SCHIP1: variants seen among roughly 807,000 people sequenced by gnomAD.
SCHIP1 encodes schwannomin-interacting protein 1.
SCHIP1 carries 8 observed loss-of-function variants against 29.7 expected under a neutral mutation model. The observed-to-expected ratio is 0.27, with a 90% CI of 0.16 to 0.49. SCHIP1 has a LOEUF of 0.49. SCHIP1 is among the 20% of genes least tolerant of loss of function. The probability of loss-of-function intolerance (pLI) is 0.99; values close to 1 mark genes in which losing one functional copy is unlikely to be tolerated. For synonymous variants in SCHIP1, 76 were observed against 94.9 expected, an observed-to-expected ratio of 0.80 and a Z score of 1.16; for missense variants, 193 against 294.6, an observed-to-expected ratio of 0.66 and a Z score of 2.52.
chr3:159,395,447 T>G, the SCHIP1 span, among the ~76,000 whole-genome samples: 243 of 152,026 alleles, frequency 1.6e-3, 3 homozygotes, highest in South Asian at 0.025. Context: ...GCTTTCTCTT[T>G]TGGGCATTTA....
chr3:159,444,636 A>T, the SCHIP1 span, among the ~76,000 whole-genome samples: 4 of 152,216 alleles, frequency 2.6e-5, no homozygotes, highest in Non-Finnish European at 5.9e-5. Context: ...AACAGAGTTA[A>T]GATTCATTTA....
At chr3:159,324,123 C>T in the SCHIP1 span, among the ~76,000 whole-genome samples, 2 of 152,130 alleles carry the variant, frequency 1.3e-5, no homozygotes, top group South Asian at 2.1e-4. Flanking sequence ...CGGGTTACTG[C>T]AGCCTGTGAG....
chr3:159,886,387 T>C lies in SCHIP1; in HGVS notation c.267+63T>C, dbSNP rs146717037. On this transcript the variant is annotated intron_variant, in intron 3 of 6. Coordinates refer to ENST00000445224, the Ensembl canonical transcript of SCHIP1. Reference sequence around the variant, plus strand: ...GATTTCCGGGCCATTTAGCTTCTTTTCTGTTGTAAGGTGAATCAGGAACAA... The same window carrying C: ...GATTTCCGGGCCATTTAGCTTCTTTCCTGTTGTAAGGTGAATCAGGAACAA... The C allele has an allele frequency of 9.4e-6, 14 of 1,481,484 alleles. No homozygotes were observed. In the East Asian group the frequency reaches 3.0e-4, roughly 31 times the overall value. 91.8% of individuals were successfully genotyped at this position (1,481,484 alleles called of 1,614,324 possible). A position where few individuals can be genotyped will look rare whatever the true frequency, so the allele number is the denominator to read the frequency against.
At chr3:159,580,367 A>G in the SCHIP1 span, among the ~76,000 whole-genome samples, 2 of 152,082 alleles carry the variant, frequency 1.3e-5, no homozygotes, top group African/African-American at 4.8e-5. Context: ...AGGGCCTCAC[A>G]CTTTGGTTAC....
chr3:159,628,415 A>T, the SCHIP1 span, among the ~76,000 whole-genome samples: 2 of 152,188 alleles, frequency 1.3e-5, no homozygotes, highest in Admixed American at 6.5e-5. Flanking sequence ...GCATGCCAAG[A>T]ACTAGGACCA....
upstream of SCHIP1, among the ~76,000 whole-genome samples, chr3:159,839,062 C>T (rs934503123): frequency 6.6e-6 from 1 of 151,726 alleles, no homozygotes; most frequent in Admixed American, 6.6e-5. Context: ...TTTTGTGTAT[C>T]CTCAAGTCCT....
the SCHIP1 span, among the ~76,000 whole-genome samples, chr3:159,288,940 C>G: frequency 6.6e-6 from 1 of 152,106 alleles, no homozygotes; most frequent in African/African-American, 2.4e-5. Context: ...CTCAGTCTTC[C>G]CTATGTAAGT....
At chr3:159,343,008 G>A in the SCHIP1 span, among the ~76,000 whole-genome samples, 1 of 152,198 alleles carries the variant, frequency 6.6e-6, no homozygotes, top group African/African-American at 2.4e-5. Flanking sequence ...AACTATAAAT[G>A]TCTTGTTTTT....
At chr3:159,814,257 A>T in the SCHIP1 span, among the ~76,000 whole-genome samples, 1 of 152,210 alleles carries the variant, frequency 6.6e-6, no homozygotes, top group Admixed American at 6.5e-5. Context: ...GTTGCAGAGC[A>T]TCCTCCTGGA....
the SCHIP1 span, among the ~76,000 whole-genome samples, chr3:159,409,940 G>A: frequency 2.6e-5 from 4 of 152,070 alleles, no homozygotes; most frequent in African/African-American, 9.7e-5. Context: ...CAGACCAATG[G>A]AACAGAATAG....
chr3:159,695,810 A>G, the SCHIP1 span, among the ~76,000 whole-genome samples: 2 of 152,140 alleles, frequency 1.3e-5, no homozygotes, highest in Admixed American at 1.3e-4. Context: ...TGAAGAGACC[A>G]CTATCCATAT....
At chr3:159,536,575 A>G in the SCHIP1 span, among the ~76,000 whole-genome samples, 3 of 152,188 alleles carry the variant, frequency 2.0e-5, no homozygotes, top group Admixed American at 2.0e-4. Flanking sequence ...CTGACTATCT[A>G]CCAACATCCT....
chr3:159,739,292 G>A, the SCHIP1 span, among the ~76,000 whole-genome samples: 1 of 152,202 alleles, frequency 6.6e-6, no homozygotes, highest in Non-Finnish European at 1.5e-5. Flanking sequence ...TTGGAGAGTT[G>A]CAAGCTTTAA....
At chr3:159,713,224 GAAAGAAAGGA>G in the SCHIP1 span, among the ~76,000 whole-genome samples, 20 of 121,514 alleles carry the variant, frequency 1.6e-4, no homozygotes, top group African/African-American at 4.7e-4. Flanking sequence ...GAGAGAGAGA[GAAAGAAAGGA>G]AGAAAGAAAG....
chr3:159,626,302 T>TA, the SCHIP1 span, among the ~76,000 whole-genome samples: 1 of 136,970 alleles, frequency 7.3e-6, no homozygotes, highest in African/African-American at 2.7e-5. Flanking sequence ...ATAGATAGAT[T>TA]TTTTTTTACC....
chr3:159,576,491 T>C, the SCHIP1 span, among the ~76,000 whole-genome samples: 1 of 152,228 alleles, frequency 6.6e-6, no homozygotes, highest in Non-Finnish European at 1.5e-5. Context: ...TTGTTATTTA[T>C]GTGCTTGGGA....
intron 1 of SCHIP1, among the ~76,000 whole-genome samples, chr3:159,841,628 T>C (rs1744229403): frequency 6.6e-6 from 1 of 152,210 alleles, no homozygotes; most frequent in African/African-American, 2.4e-5. Context: ...GTCTTTTCAT[T>C]AGGTTGAACA....
chr3:159,840,341 C>T, intron 1 of SCHIP1: 2 of 770,664 alleles, frequency 2.6e-6, no homozygotes, highest in Non-Finnish European at 4.4e-6. Flanking sequence ...TGGCCTTCAT[C>T]ACGTGCAGTA....
chr3:159,812,462 A>C, the SCHIP1 span, among the ~76,000 whole-genome samples: 1 of 152,214 alleles, frequency 6.6e-6, no homozygotes, highest in Non-Finnish European at 1.5e-5. Context: ...TTAAGGCCAA[A>C]TGGTGCATTG....
Sources: gnomAD v4.1 joint callset for allele counts (sites outside exome capture counted in the v4.1 genomes callset) on GRCh38, gnomAD v4.1.1 for gene constraint, MANE v1.5 for transcripts, NCBI Gene and HGNC (gene_info 2026-07-23, HGNC 2026-07-21) for gene names.